The following TANK variants were observed in gnomAD, a reference collection of about 807,000 sequenced individuals.
TANK encodes TRAF family member-associated NF-kappa-B activator.
A neutral mutation model predicts 43.6 loss-of-function variants in TANK; 15 were observed. The observed-to-expected ratio is 0.34, with a 90% CI of 0.23 to 0.53. The LOEUF (loss-of-function observed/expected upper bound fraction) is 0.53, where lower values mean the gene tolerates loss of function less well. Among genes scored for constraint, TANK ranks in the 20% least tolerant of loss-of-function variants. The pLI is 0.94. For missense variants in TANK, 417 were observed against 498.6 expected (o/e 0.84, Z 1.56); for synonymous variants, 162 against 178.2 (o/e 0.91, Z 0.73).
At chr2:161,137,860 G>C (rs1010932484) in intron 1 of TANK, 2 of 153,248 alleles carry the variant, frequency 1.3e-5, no homozygotes, top group African/African-American at 4.8e-5. Context: ...TGTAATCCCA[G>C]CTACTTAGGA....
chr2:161,225,872 A>ACT (rs1687590133), intron 6 of TANK, among the ~76,000 whole-genome samples: 1 of 152,210 alleles, frequency 6.6e-6, no homozygotes, highest in Admixed American at 6.5e-5. Context: ...ACAATGTGGT[A>ACT]TTACAGAAAC....
intron 4 of TANK, among the ~76,000 whole-genome samples, chr2:161,217,268 A>G (rs1392075866): frequency 6.6e-6 from 1 of 152,138 alleles, no homozygotes; most frequent in Non-Finnish European, 1.5e-5. Context: ...GCCTCGCACA[A>G]CCTGGAGACT....
intron 4 of TANK, among the ~76,000 whole-genome samples, chr2:161,214,328 G>A (rs1368568319): frequency 6.6e-6 from 1 of 152,088 alleles, no homozygotes; most frequent in Admixed American, 6.6e-5. Context: ...AACTCAAATA[G>A]TTGCACAAGT....
chr2:161,147,303 C>A (rs1683941623), intron 1 of TANK, among the ~76,000 whole-genome samples: 1 of 152,248 alleles, frequency 6.6e-6, no homozygotes, highest in South Asian at 2.1e-4. Flanking sequence ...CCCCAAGGAG[C>A]TCAAACAGCT....
In TANK at chr2:161,235,590, T is replaced by G; in HGVS notation, c.*72T>G. The G allele has an allele frequency of 2.5e-6, 3 of 1,202,376 alleles. No individual in the cohort carries two copies. Among genetic ancestry groups the G allele is most frequent in the South Asian group, 2.0e-5 (1 of 50,098 alleles). The allele number at this position is 1,202,376 out of a possible 1,614,324, so 74.5% of individuals were successfully genotyped here. A position where few individuals can be genotyped will look rare whatever the true frequency, so the allele number is the denominator to read the frequency against. ...GTTTTTAATACTATAAATACTTGATTGTAAACTAAATTCAAGATCATTTAT... is the reference window on the plus strand; with the variant it reads ...GTTTTTAATACTATAAATACTTGATGGTAAACTAAATTCAAGATCATTTAT... On this transcript the variant is annotated 3_prime_UTR_variant, in exon 8 of 8. Coordinates refer to ENST00000392749, the MANE Select transcript of TANK (RefSeq NM_001199135.3).
chr2:161,203,497 A>G lies in TANK; in HGVS notation c.110A>G (p.Tyr37Cys). 2 of 1,610,052 alleles carry G rather than the reference A, an allele frequency of 1.2e-6. No homozygotes were observed. The highest frequency in any genetic ancestry group is 2.2e-5 in the South Asian group (2 of 90,246). Residue 37 changes from tyrosine (Y) to cysteine (C), a missense_variant, in exon 3 of 8, where the codon TAT becomes TGT. By Grantham distance (194) the Tyr-to-Cys change is radical (BLOSUM62 -2). Transcript: ENST00000392749. ...TTTTTATGTCAGCAGACTGAGAACT[A>G]TGAGCAGAGAATACGTGAACAACAG... ...VKELQQKTEN[Y>C]EQRIREQQEQ...
intron 4 of TANK, 132 bp downstream of exon 4, chr2:161,204,925 A>G (rs1686581022): frequency 6.9e-7 from 1 of 1,453,410 alleles, no homozygotes; most frequent in Non-Finnish European, 9.0e-7. Context: ...TGGCTTAAAT[A>G]TTTCTAAATA....
chr2:161,220,332 G>A (rs920461680), intron 4 of TANK, among the ~76,000 whole-genome samples: 2 of 152,224 alleles, frequency 1.3e-5, no homozygotes, highest in East Asian at 1.9e-4. Flanking sequence ...GCTGGGCGCG[G>A]TGGCTCACGC....
chr2:161,165,836 A>G lies in TANK; in HGVS notation c.-50+5350A>G, dbSNP rs1184913554. ...ATACCCCTTAAAGATTACTCAGTTC[A>G]GCACAGCCAACTGAGCAGTGCCATG... On this transcript the variant is annotated intron_variant, in intron 1 of 7. Coordinates refer to ENST00000392749, the MANE Select transcript of TANK (RefSeq NM_001199135.3). Among the ~76,000 whole-genome samples, 5 of 152,228 alleles carry G rather than the reference A, an allele frequency of 3.3e-5. No homozygotes were observed. In the East Asian group the frequency reaches 9.6e-4, roughly 29 times the overall value.
intron 1 of TANK, among the ~76,000 whole-genome samples, chr2:161,169,818 G>T (rs1003153290): frequency 1.3e-5 from 2 of 152,130 alleles, no homozygotes; most frequent in Non-Finnish European, 2.9e-5. Context: ...TGTGCCTTAT[G>T]CAACTTATTT....
intron 1 of TANK, among the ~76,000 whole-genome samples, chr2:161,147,302 G>A (rs1388410261): frequency 6.6e-6 from 1 of 152,232 alleles, no homozygotes; most frequent in Non-Finnish European, 1.5e-5. Context: ...CCCCCAAGGA[G>A]CTCAAACAGC....
At chr2:161,196,089 C>G (rs527771160) in intron 2 of TANK, among the ~76,000 whole-genome samples, 1 of 152,216 alleles carries the variant, frequency 6.6e-6, no homozygotes, top group African/African-American at 2.4e-5. Context: ...GAGCAAGACT[C>G]CATCTCAAAA....
chr2:161,141,713 C>A (rs1683752000), intron 1 of TANK, among the ~76,000 whole-genome samples: 2 of 152,124 alleles, frequency 1.3e-5, no homozygotes, highest in East Asian at 1.9e-4. Context: ...TACACATTTT[C>A]TTTATCCTGT....
At chr2:161,229,159 G>T (rs1302097579) in intron 6 of TANK, among the ~76,000 whole-genome samples, 1 of 152,222 alleles carries the variant, frequency 6.6e-6, no homozygotes, top group Non-Finnish European at 1.5e-5. Flanking sequence ...AAGAGTAATG[G>T]GAGGGGACAC....
chr2:161,140,911 T>A (rs1374978476), intron 1 of TANK, among the ~76,000 whole-genome samples: 1 of 152,128 alleles, frequency 6.6e-6, no homozygotes, highest in African/African-American at 2.4e-5. Context: ...CCACCCTTCC[T>A]ACCCCCACCA....
chr2:161,140,303 G>A (rs1220641826), intron 1 of TANK, among the ~76,000 whole-genome samples: 1 of 151,892 alleles, frequency 6.6e-6, no homozygotes, highest in Non-Finnish European at 1.5e-5. Flanking sequence ...GATCTATTTG[G>A]GGTTTATGCT....
intron 4 of TANK, among the ~76,000 whole-genome samples, chr2:161,219,454 G>C (rs1274646866): frequency 6.6e-6 from 1 of 152,220 alleles, no homozygotes; most frequent in African/African-American, 2.4e-5. Flanking sequence ...ACACAGAACA[G>C]ACAAGGCTCC....
intron 4 of TANK, among the ~76,000 whole-genome samples, chr2:161,206,286 G>T (rs184508046): frequency 7.2e-4 from 109 of 152,222 alleles, no homozygotes; most frequent in Non-Finnish European, 6.6e-4. Context: ...TTAATGAGAT[G>T]AGTTGGCTTT....
At chr2:161,199,023 T>C (rs1034565735) in intron 2 of TANK, among the ~76,000 whole-genome samples, 3 of 152,174 alleles carry the variant, frequency 2.0e-5, no homozygotes, top group Admixed American at 6.5e-5. Flanking sequence ...AAGTTGATTC[T>C]TAGCTTACCA....
Sources: gnomAD v4.1 joint callset for allele counts (sites outside exome capture counted in the v4.1 genomes callset) on GRCh38, gnomAD v4.1.1 for gene constraint, MANE v1.5 for transcripts, NCBI Gene and HGNC (gene_info 2026-07-23, HGNC 2026-07-21) for gene names.